ATG10: variants seen among roughly 807,000 people sequenced by gnomAD.
ATG10 encodes autophagy related 10.
ATG10 carries 30 observed loss-of-function variants against 32.1 expected under a neutral mutation model. The ratio of observed to expected loss-of-function variants is 0.94; its 90% confidence interval spans 0.70 to 1.27. ATG10 has a LOEUF of 1.27. Ranked by LOEUF, ATG10 falls within the 50% of genes most tolerant of loss-of-function variation. ATG10 has a pLI of 0.00. For synonymous variants in ATG10, 87 were observed against 91.5 expected (o/e 0.95, Z 0.28); for missense variants, 233 against 262.3 (o/e 0.89, Z 0.77).
chr5:82,232,789 T>A (rs1011090005), intron 5 of ATG10, among the ~76,000 whole-genome samples: 2 of 152,138 alleles, frequency 1.3e-5, no homozygotes, highest in Non-Finnish European at 2.9e-5. Context: ...TAACAGATTC[T>A]GTCATAAAGC....
intron 3 of ATG10, among the ~76,000 whole-genome samples, chr5:82,064,077 T>C (rs935410555): frequency 1.3e-5 from 2 of 152,234 alleles, no homozygotes; most frequent in African/African-American, 4.8e-5. Flanking sequence ...ATTATCAAAT[T>C]TAGCTGTAAG....
In ATG10 at chr5:81,972,289, G is replaced by T. The variant is rs1228583479; in HGVS notation, c.-30G>T. The T allele has an allele frequency of 2.0e-5, 3 of 152,446 alleles. No individual in the cohort carries two copies. Among genetic ancestry groups the T allele is most frequent in the Non-Finnish European group, 1.5e-5 (1 of 68,200 alleles). The allele number at this position is 152,446 out of a possible 1,614,324, so 9.4% of individuals were successfully genotyped here. A position where few individuals can be genotyped will look rare whatever the true frequency, so the allele number is the denominator to read the frequency against. ...CTCGCCGGGCTGGGCTGCGGGGTCAGGGGCCGAGCGGAGAGGGGTGAGTAT... is the reference window on the plus strand; with the variant it reads ...CTCGCCGGGCTGGGCTGCGGGGTCATGGGCCGAGCGGAGAGGGGTGAGTAT... On this transcript the variant is annotated 5_prime_UTR_variant, in exon 1 of 8. The change creates a new upstream start codon in the 5' untranslated region. Coordinates refer to ENST00000282185, the MANE Select transcript of ATG10 (RefSeq NM_031482.5).
At chr5:82,079,889 G>A (rs60949386) in intron 3 of ATG10, among the ~76,000 whole-genome samples, 1 of 152,158 alleles carries the variant, frequency 6.6e-6, no homozygotes, top group Non-Finnish European at 1.5e-5. Flanking sequence ...CCAGTAATGG[G>A]ATAGCTGGGT....
chr5:82,081,518 T>A (rs1764480789), intron 3 of ATG10, among the ~76,000 whole-genome samples: 1 of 152,188 alleles, frequency 6.6e-6, no homozygotes, highest in South Asian at 2.1e-4. Flanking sequence ...CTCTTATTAT[T>A]TTGCAATATG....
At chr5:82,055,590 C>T (rs1168788742) in intron 2 of ATG10, among the ~76,000 whole-genome samples, 5 of 152,112 alleles carry the variant, frequency 3.3e-5, no homozygotes, top group African/African-American at 1.2e-4. Flanking sequence ...AGCAGTTACC[C>T]TCATTTAATG....
chr5:82,027,546 T>A (rs1293934618), intron 2 of ATG10, among the ~76,000 whole-genome samples: 2 of 152,254 alleles, frequency 1.3e-5, no homozygotes, highest in Non-Finnish European at 2.9e-5. Flanking sequence ...AAGTTTGTTT[T>A]AAAAACATTT....
intron 3 of ATG10, among the ~76,000 whole-genome samples, chr5:82,084,675 A>G (rs954234110): frequency 2.6e-5 from 4 of 152,214 alleles, no homozygotes; most frequent in Non-Finnish European, 5.9e-5. Flanking sequence ...GGGGGACGGT[A>G]TTCAACATTC....
intron 4 of ATG10, among the ~76,000 whole-genome samples, chr5:82,165,698 C>T (rs886315589): frequency 5.3e-5 from 8 of 152,164 alleles, no homozygotes; most frequent in African/African-American, 9.7e-5. Context: ...CTTTAAAACA[C>T]TCATTTTATG....
intron 4 of ATG10, among the ~76,000 whole-genome samples, chr5:82,168,291 A>G (rs1581763520): frequency 6.6e-6 from 1 of 152,226 alleles, no homozygotes; most frequent in South Asian, 2.1e-4. Flanking sequence ...TTGCCTTACC[A>G]GAGGCCTAGG....
intron 1 of ATG10, among the ~76,000 whole-genome samples, chr5:81,975,539 G>A (rs188747232): frequency 6.6e-6 from 1 of 152,218 alleles, no homozygotes; most frequent in Admixed American, 6.5e-5. Context: ...AAAATTAGCT[G>A]TGCATGGTGG....
chr5:82,172,342 A>G (rs1743840986), intron 4 of ATG10, among the ~76,000 whole-genome samples: 1 of 152,140 alleles, frequency 6.6e-6, no homozygotes, highest in African/African-American at 2.4e-5. Flanking sequence ...TCTGCTGCTT[A>G]CTAACCTTAT....
At chr5:82,047,606 A>G (rs1304930868) in intron 2 of ATG10, among the ~76,000 whole-genome samples, 1 of 152,126 alleles carries the variant, frequency 6.6e-6, no homozygotes, top group East Asian at 1.9e-4. Context: ...CCCACCTGTA[A>G]CCTTTTCTAG....
chr5:82,238,597 C>T (rs1276382689), intron 5 of ATG10, among the ~76,000 whole-genome samples: 2 of 152,012 alleles, frequency 1.3e-5, no homozygotes, highest in Non-Finnish European at 2.9e-5. Flanking sequence ...ACAAATTTTG[C>T]GTCTGTATTT....
At chr5:82,246,202 C>A (rs1278545724) in intron 5 of ATG10, among the ~76,000 whole-genome samples, 1 of 151,654 alleles carries the variant, frequency 6.6e-6, no homozygotes, top group Non-Finnish European at 1.5e-5. Flanking sequence ...TCCCAAGTAT[C>A]TGGGACTACA....
chr5:82,006,958 A>G (rs1308107426), intron 2 of ATG10, among the ~76,000 whole-genome samples: 1 of 152,056 alleles, frequency 6.6e-6, no homozygotes, highest in Non-Finnish European at 1.5e-5. Context: ...GGTTCAAGTG[A>G]TTCTCCTGCC....
chr5:82,042,515 A>G (rs759582375), intron 2 of ATG10, among the ~76,000 whole-genome samples: 19 of 152,180 alleles, frequency 1.2e-4, no homozygotes, highest in Non-Finnish European at 2.5e-4. Flanking sequence ...ACAGTCCCCA[A>G]GTCTTAATTC....
chr5:82,246,063 A>G (rs1275377534), intron 5 of ATG10, among the ~76,000 whole-genome samples: 1 of 143,610 alleles, frequency 7.0e-6, no homozygotes, highest in Non-Finnish European at 1.5e-5. Flanking sequence ...GCACAACTTA[A>G]TACTGACCTT....
At position 82,068,386 on chromosome 5, in the gene ATG10, C is replaced by T. The variant is rs569123285; in HGVS notation, c.216+9784C>T. ...ACACAGGGAGGGGAACATAACACAC[C>T]AGGGCCTGTCATAGGATTGGGGGAG... On this transcript the variant is annotated intron_variant, in intron 3 of 7. Transcript: ENST00000282185. Among the ~76,000 whole-genome samples the T allele has an allele frequency of 2.6e-4, 39 of 151,820 alleles. No homozygotes were observed. In the South Asian group the frequency reaches 4.2e-3, roughly 16 times the overall value.
intron 3 of ATG10, among the ~76,000 whole-genome samples, chr5:82,159,979 C>G (rs1743249220): frequency 6.6e-6 from 1 of 152,108 alleles, no homozygotes; most frequent in Non-Finnish European, 1.5e-5. Flanking sequence ...AATATCAGAA[C>G]CAGGATGTTG....
Sources: gnomAD v4.1 joint callset for allele counts (sites outside exome capture counted in the v4.1 genomes callset) on GRCh38, gnomAD v4.1.1 for gene constraint, MANE v1.5 for transcripts, NCBI Gene and HGNC (gene_info 2026-07-23, HGNC 2026-07-21) for gene names.